Variants in OSBPL2 observed in about 807,000 individuals in gnomAD.
OSBPL2 encodes the protein oxysterol-binding protein-related protein 2.
In OSBPL2, 18 loss-of-function variants were observed where a neutral mutation model predicts 58.4. The ratio of observed to expected loss-of-function variants is 0.31; its 90% CI spans 0.21 to 0.46. OSBPL2 has a LOEUF of 0.46. OSBPL2 is among the 20% of genes least tolerant of loss of function. The probability of loss-of-function intolerance (pLI) is 1.00; values close to 1 mark genes in which losing one functional copy is unlikely to be tolerated. For synonymous variants in OSBPL2, 221 were observed against 234.1 expected (o/e 0.94, Z 0.51); for missense variants, 461 against 616.5 (o/e 0.75, Z 2.67).
intron 12 of OSBPL2, among the ~76,000 whole-genome samples, chr20:62,289,923 CAAAA>C (rs553983055): frequency 5.5e-4 from 83 of 152,128 alleles, no homozygotes; most frequent in African/African-American, 1.8e-3. Context: ...ACAACAACAA[CAAAA>C]AACACAAACA....
chr20:62,248,446 G>T (rs1182038554), intron 1 of OSBPL2, among the ~76,000 whole-genome samples: 2 of 152,138 alleles, frequency 1.3e-5, no homozygotes, highest in Non-Finnish European at 2.9e-5. Flanking sequence ...ATGAGCCATC[G>T]TGTCTGGGCA....
intron 1 of OSBPL2, 78 bp from the exon 2 acceptor site, chr20:62,255,979 G>T: frequency 3.8e-6 from 2 of 520,416 alleles, no homozygotes; most frequent in South Asian, 2.5e-5. Context: ...TTTTAGGATG[G>T]TGAATGGGTA....
At chr20:62,244,415 C>T (rs1019460378) in intron 1 of OSBPL2, among the ~76,000 whole-genome samples, 1 of 152,214 alleles carries the variant, frequency 6.6e-6, no homozygotes, top group Non-Finnish European at 1.5e-5. Context: ...CCTTGGAGTG[C>T]TCTCCCTGCC....
chr20:62,262,188 A>G (rs1463866724), intron 3 of OSBPL2, among the ~76,000 whole-genome samples: 5 of 151,368 alleles, frequency 3.3e-5, no homozygotes, highest in Non-Finnish European at 5.9e-5. Flanking sequence ...GCCCTGTTAT[A>G]CTAGAAGAAA....
At chr20:62,279,478 G>A (rs1343135086) in intron 7 of OSBPL2, 139 bp downstream of exon 7, 13 of 797,360 alleles carry the variant, frequency 1.6e-5, no homozygotes, top group African/African-American at 3.5e-5. Flanking sequence ...CAGCAGAAAC[G>A]TCTTCAGATG....
intron 5 of OSBPL2, among the ~76,000 whole-genome samples, 189 bp downstream of exon 5, chr20:62,272,448 G>A (rs552203366): frequency 3.1e-4 from 47 of 152,298 alleles, no homozygotes; most frequent in African/African-American, 1.0e-3. Flanking sequence ...AGAACTTGCC[G>A]GAAATGCCAT....
intron 12 of OSBPL2, among the ~76,000 whole-genome samples, chr20:62,290,748 T>G (rs974562461): frequency 2.0e-5 from 3 of 149,698 alleles, no homozygotes; most frequent in Admixed American, 6.6e-5. Flanking sequence ...TTTTTGTTTT[T>G]TTTTTTTGAG....
chr20:62,291,556 T>A (rs1983510537), intron 12 of OSBPL2, 147 bp from the exon 13 acceptor site: 1 of 743,714 alleles, frequency 1.3e-6, no homozygotes, highest in African/African-American at 1.7e-5. Flanking sequence ...CAACTGTGAT[T>A]GTGTTTGGTC....
At chr20:62,240,902 G>A (rs936667621) in intron 1 of OSBPL2, among the ~76,000 whole-genome samples, 2 of 152,176 alleles carry the variant, frequency 1.3e-5, no homozygotes, top group African/African-American at 4.8e-5. Context: ...TGTGAAGAGG[G>A]AGGACTGAGG....
At chr20:62,275,008 T>C (rs1243847900) in intron 6 of OSBPL2, among the ~76,000 whole-genome samples, 1 of 152,220 alleles carries the variant, frequency 6.6e-6, no homozygotes, top group Non-Finnish European at 1.5e-5. Context: ...TTATAGAAAA[T>C]GTGTAACATT....
At chr20:62,240,752 T>C (rs1460510075) in intron 1 of OSBPL2, among the ~76,000 whole-genome samples, 1 of 152,246 alleles carries the variant, frequency 6.6e-6, no homozygotes, top group Non-Finnish European at 1.5e-5. Flanking sequence ...ACTTTCTTTT[T>C]TGTGAGCCTG....
intron 9 of OSBPL2, 51 bp downstream of exon 9, chr20:62,281,930 C>G (rs776234799): frequency 7.9e-7 from 1 of 1,264,202 alleles, no homozygotes; most frequent in Admixed American, 1.7e-5. Flanking sequence ...TGTGTGTCCA[C>G]GTTAGAAGGG....
chr20:62,277,947 G>A (rs1982491243), intron 6 of OSBPL2, among the ~76,000 whole-genome samples: 1 of 152,160 alleles, frequency 6.6e-6, no homozygotes, highest in Non-Finnish European at 1.5e-5. Context: ...AGACAAGGAA[G>A]GGGCACCCCC....
intron 12 of OSBPL2, among the ~76,000 whole-genome samples, chr20:62,290,666 C>T (rs1376190110): frequency 6.6e-6 from 1 of 150,996 alleles, no homozygotes; most frequent in African/African-American, 2.4e-5. Flanking sequence ...GTGATCCGCC[C>T]GCCTCAGCCT....
chr20:62,240,123 G>C (rs1277328200), intron 1 of OSBPL2, among the ~76,000 whole-genome samples: 1 of 152,152 alleles, frequency 6.6e-6, no homozygotes, highest in Non-Finnish European at 1.5e-5. Context: ...AAAGTGCTAG[G>C]ATTCCAGGTG....
At chr20:62,239,030 G>A (rs989421297) in intron 1 of OSBPL2, 2 of 152,136 alleles carry the variant, frequency 1.3e-5, no homozygotes. Context: ...CCGGGAACAG[G>A]GAAGGATTTC....
intron 1 of OSBPL2, among the ~76,000 whole-genome samples, chr20:62,246,395 G>C: frequency 6.6e-6 from 1 of 152,262 alleles, no homozygotes; most frequent in East Asian, 1.9e-4. Context: ...CCATGGGAGA[G>C]TCTAAGCTCA....
intron 12 of OSBPL2, among the ~76,000 whole-genome samples, chr20:62,290,065 G>A (rs1290666670): frequency 1.3e-5 from 2 of 152,204 alleles, no homozygotes; most frequent in Non-Finnish European, 1.5e-5. Flanking sequence ...TGGCACGTGT[G>A]TGGCGTGTCC....
At chr20:62,286,782 G>A in intron 11 of OSBPL2, 71 bp downstream of exon 11, 2 of 1,532,932 alleles carry the variant, frequency 1.3e-6, no homozygotes, top group Admixed American at 3.6e-5. Flanking sequence ...CAGCCCCACG[G>A]CTCTTCCCTG....
Sources: gnomAD v4.1 joint callset for allele counts (sites outside exome capture counted in the v4.1 genomes callset) on GRCh38, gnomAD v4.1.1 for gene constraint, MANE v1.5 for transcripts, NCBI Gene and HGNC (gene_info 2026-07-23, HGNC 2026-07-21) for gene names.